Variants in TMEM117 observed in about 807,000 individuals in gnomAD.
TMEM117 encodes the protein transmembrane protein 117.
A neutral mutation model predicts 52.4 loss-of-function variants in TMEM117; 27 were observed. That is an observed-to-expected ratio of 0.51 (90% CI 0.38 to 0.71). The LOEUF (loss-of-function observed/expected upper bound fraction) is 0.71. Among genes scored for constraint, TMEM117 ranks in the 30% least tolerant of loss-of-function variants. The pLI is 0.00. For synonymous variants in TMEM117, 215 were observed against 206.3 expected (o/e 1.04, Z -0.36); for missense variants, 556 against 630.5 (o/e 0.88, Z 1.26).
chr12:43,829,280 T>G, the TMEM117 span, among the ~76,000 whole-genome samples: 2,299 of 152,330 alleles, frequency 0.015, 44 homozygotes, highest in East Asian at 0.075. Flanking sequence ...ACAATGCATT[T>G]AGCCCCGATC....
chr12:44,015,550 G>A (rs758616549), intron 3 of TMEM117, among the ~76,000 whole-genome samples: 2 of 152,122 alleles, frequency 1.3e-5, no homozygotes, highest in Non-Finnish European at 2.9e-5. Context: ...CTGTGGATAA[G>A]CATTTGTAGC....
chr12:44,020,047 T>C (rs1045459537), intron 3 of TMEM117, among the ~76,000 whole-genome samples: 1 of 152,224 alleles, frequency 6.6e-6, no homozygotes. Flanking sequence ...GTAATGGTGT[T>C]TTCTTAGAAA....
chr12:44,293,123 A>G (rs1210579101), intron 5 of TMEM117, among the ~76,000 whole-genome samples: 1 of 151,954 alleles, frequency 6.6e-6, no homozygotes, highest in Non-Finnish European at 1.5e-5. Context: ...ATATATATAT[A>G]CAAAATTGTT....
At chr12:43,910,639 C>T (rs2137531068) in intron 2 of TMEM117, among the ~76,000 whole-genome samples, 1 of 151,518 alleles carries the variant, frequency 6.6e-6, no homozygotes, top group East Asian at 1.9e-4. Flanking sequence ...TAAGCAACTT[C>T]AGCAAAGTCT....
chr12:44,229,535 G>T (rs1039567013), intron 5 of TMEM117, among the ~76,000 whole-genome samples: 1 of 152,100 alleles, frequency 6.6e-6, no homozygotes. Context: ...ACACAGCACA[G>T]CTTATGTGCA....
At chr12:44,265,946 C>T (rs1044343663) in intron 5 of TMEM117, among the ~76,000 whole-genome samples, 7 of 152,136 alleles carry the variant, frequency 4.6e-5, no homozygotes, top group African/African-American at 1.7e-4. Context: ...TTTTTATTCA[C>T]AAGTAATATT....
intron 5 of TMEM117, among the ~76,000 whole-genome samples, chr12:44,257,310 C>T (rs955711508): frequency 1.3e-5 from 2 of 151,872 alleles, no homozygotes; most frequent in Non-Finnish European, 2.9e-5. Flanking sequence ...TCTTCTCACC[C>T]TTTTGACACG....
intron 4 of TMEM117, among the ~76,000 whole-genome samples, chr12:44,194,020 T>C (rs942237139): frequency 6.6e-6 from 1 of 152,142 alleles, no homozygotes; most frequent in South Asian, 2.1e-4. Flanking sequence ...ATTATCTATA[T>C]AGAACATAAA....
intron 1 of TMEM117, among the ~76,000 whole-genome samples, chr12:43,843,648 T>C (rs1343905308): frequency 2.6e-5 from 4 of 152,252 alleles, no homozygotes; most frequent in Non-Finnish European, 5.9e-5. Flanking sequence ...GCTTGCCTTC[T>C]ATCTGTCCCT....
intron 3 of TMEM117, among the ~76,000 whole-genome samples, chr12:44,113,972 C>A (rs1948084111): frequency 7.2e-6 from 1 of 139,632 alleles, no homozygotes; most frequent in African/African-American, 3.0e-5. Context: ...CCCGATTTTC[C>A]AGGTGTGTCC....
chr12:43,984,499 C>T (rs1284618590), intron 3 of TMEM117, among the ~76,000 whole-genome samples: 1 of 152,138 alleles, frequency 6.6e-6, no homozygotes, highest in Non-Finnish European at 1.5e-5. Flanking sequence ...AGATGAACAC[C>T]TGACTCTTTC....
At chr12:43,904,109 C>T (rs1944346883) in intron 2 of TMEM117, among the ~76,000 whole-genome samples, 1 of 152,188 alleles carries the variant, frequency 6.6e-6, no homozygotes, top group Non-Finnish European at 1.5e-5. Flanking sequence ...GCATGAACAA[C>T]TTGACATGTT....
intron 3 of TMEM117, among the ~76,000 whole-genome samples, chr12:44,025,915 T>C (rs564884705): frequency 1.3e-5 from 2 of 151,738 alleles, no homozygotes; most frequent in African/African-American, 4.8e-5. Context: ...CCCCCACCCA[T>C]AGAGGTATGT....
chr12:44,094,064 T>A (rs546386892), intron 3 of TMEM117, among the ~76,000 whole-genome samples: 3 of 152,268 alleles, frequency 2.0e-5, no homozygotes, highest in Middle Eastern at 3.4e-3. Context: ...TCCCTTATGA[T>A]GTATTACGAC....
chr12:44,351,281 C>T (rs1951558508), intron 6 of TMEM117, among the ~76,000 whole-genome samples: 1 of 152,002 alleles, frequency 6.6e-6, no homozygotes, highest in East Asian at 1.9e-4. Context: ...CGGCATTTTG[C>T]AAATATTTTC....
At chr12:44,041,103 T>G (rs1324185232) in intron 3 of TMEM117, among the ~76,000 whole-genome samples, 1 of 152,194 alleles carries the variant, frequency 6.6e-6, no homozygotes, top group East Asian at 1.9e-4. Flanking sequence ...TATTCTTTTT[T>G]TAAATTATAC....
chr12:44,363,545 C>T (rs1299079378), intron 6 of TMEM117, among the ~76,000 whole-genome samples: 2 of 152,104 alleles, frequency 1.3e-5, no homozygotes, highest in African/African-American at 2.4e-5. Flanking sequence ...TCATAAACTA[C>T]TGACTTGAAA....
At chr12:44,269,716 A>G (rs958069418) in intron 5 of TMEM117, among the ~76,000 whole-genome samples, 3 of 151,978 alleles carry the variant, frequency 2.0e-5, no homozygotes, top group Non-Finnish European at 4.4e-5. Flanking sequence ...ATTATGTTAT[A>G]TTTTTCAATT....
At chr12:43,863,478 G>T (rs1236395994) in intron 2 of TMEM117, among the ~76,000 whole-genome samples, 1 of 152,130 alleles carries the variant, frequency 6.6e-6, no homozygotes, top group Non-Finnish European at 1.5e-5. Flanking sequence ...TATTACGCAT[G>T]GGGCATCTCT....
Sources: allele counts gnomAD v4.1 joint callset (sites outside exome capture counted in the v4.1 genomes callset), GRCh38; gene constraint gnomAD v4.1.1; transcripts MANE v1.5; gene names NCBI Gene and HGNC (gene_info 2026-07-23, HGNC 2026-07-21).